The following SPTLC1 variants were observed in gnomAD, a reference collection of about 807,000 sequenced individuals.
The protein encoded by SPTLC1 is serine palmitoyltransferase long chain base subunit 1.
SPTLC1 carries 55 observed loss-of-function variants against 68.9 expected under a neutral mutation model. That is an observed-to-expected ratio of 0.80 (90% CI 0.64 to 1.00). SPTLC1 has a LOEUF of 1.00. Ranked by LOEUF, SPTLC1 falls within the 50% of genes least tolerant of loss-of-function variation. The pLI is 0.00. For synonymous variants in SPTLC1, 197 were observed against 201.6 expected, an observed-to-expected ratio of 0.98 and a Z score of 0.19; for missense variants, 449 against 573.1, an observed-to-expected ratio of 0.78 and a Z score of 2.21.
chr9:92,097,743 G>A (rs1351525138), intron 3 of SPTLC1, among the ~76,000 whole-genome samples: 1 of 152,134 alleles, frequency 6.6e-6, no homozygotes, highest in African/African-American at 2.4e-5. Flanking sequence ...TTAGATGGTG[G>A]TGATAGTTGT....
At chr9:92,095,063 T>G (rs1160383912) in intron 3 of SPTLC1, among the ~76,000 whole-genome samples, 1 of 152,146 alleles carries the variant, frequency 6.6e-6, no homozygotes, top group Non-Finnish European at 1.5e-5. Context: ...TGACTAAGGA[T>G]TAAAATCTAC....
chr9:92,091,290 G>C (rs112214748), intron 3 of SPTLC1, among the ~76,000 whole-genome samples: 2 of 152,096 alleles, frequency 1.3e-5, no homozygotes, highest in African/African-American at 4.8e-5. Flanking sequence ...CCCTGTAAGG[G>C]GTCAAGTGTA....
At chr9:92,085,976 G>A (rs1224367696) in intron 3 of SPTLC1, among the ~76,000 whole-genome samples, 1 of 151,894 alleles carries the variant, frequency 6.6e-6, no homozygotes, top group Non-Finnish European at 1.5e-5. Context: ...TTGTTGAATT[G>A]ATCCCTTTAC....
At chr9:92,048,911 A>G (rs1357647998) in intron 9 of SPTLC1, among the ~76,000 whole-genome samples, 1 of 152,238 alleles carries the variant, frequency 6.6e-6, no homozygotes, top group African/African-American at 2.4e-5. Context: ...ATTTCCTCAC[A>G]GTATTTCCCA....
intron 3 of SPTLC1, among the ~76,000 whole-genome samples, chr9:92,096,899 GA>G (rs141055978): frequency 0.018 from 2,676 of 148,912 alleles, 66 homozygotes; most frequent in African/African-American, 0.061. Context: ...CCCACAGAAT[GA>G]AAAAAAAAAT....
At chr9:92,049,039 TAC>T (rs1213497124) in intron 9 of SPTLC1, among the ~76,000 whole-genome samples, 2 of 152,194 alleles carry the variant, frequency 1.3e-5, no homozygotes, top group African/African-American at 4.8e-5. Flanking sequence ...CTGCTTGAAT[TAC>T]ACTTCCATTT....
chr9:92,108,381 T>C (rs1282197225), intron 3 of SPTLC1: 3 of 309,854 alleles, frequency 9.7e-6, no homozygotes, highest in African/African-American at 6.5e-5. Flanking sequence ...AAGCATACTA[T>C]ACAGTATCTA....
At chr9:92,046,109 T>C (rs948695801) in intron 11 of SPTLC1, 56 bp from the exon 12 acceptor site, 33 of 1,426,182 alleles carry the variant, frequency 2.3e-5, no homozygotes, top group Admixed American at 3.6e-5. Flanking sequence ...AGTACTAACC[T>C]AAAAATATTT....
At chr9:92,046,361 T>C (rs1833514003) in intron 11 of SPTLC1, 1 of 312,256 alleles carries the variant, frequency 3.2e-6, no homozygotes, top group African/African-American at 2.1e-5. Flanking sequence ...ACAAATTTAT[T>C]GCTTATTTCT....
At chr9:92,065,023 A>G (rs563162737) in intron 6 of SPTLC1, among the ~76,000 whole-genome samples, 64 of 152,370 alleles carry the variant, frequency 4.2e-4, no homozygotes, top group Middle Eastern at 3.4e-3. Context: ...GCATCTTGAC[A>G]ATGACAAAGT....
At chr9:92,079,799 A>T in intron 5 of SPTLC1, 1 of 652,644 alleles carries the variant, frequency 1.5e-6, no homozygotes, top group Non-Finnish European at 2.7e-6. Flanking sequence ...GCACACGAGG[A>T]TGAGCCCACC....
Position 92,057,768 on chromosome 9 carries a change from A to G in SPTLC1, c.690+1411T>C, listed in dbSNP as rs918584925. 9.7e-4 allele frequency among the ~76,000 whole-genome samples: 147 copies of G among 152,238 alleles called. 10 individuals carry two copies. The highest frequency in any genetic ancestry group is 2.9e-5 in the Non-Finnish European group (2 of 68,042). ...TATGTGAAAATGAAACTGAAAATGAATATTTCTAAAAACCAAAATGTAGAG... is the reference window on the plus strand; with the variant it reads ...TATGTGAAAATGAAACTGAAAATGAGTATTTCTAAAAACCAAAATGTAGAG... On this transcript the variant is annotated intron_variant, in intron 7 of 14. Coordinates refer to ENST00000262554, the MANE Select transcript of SPTLC1 (RefSeq NM_006415.4).
At chr9:92,088,424 A>G (rs944659544) in intron 3 of SPTLC1, among the ~76,000 whole-genome samples, 2 of 151,988 alleles carry the variant, frequency 1.3e-5, no homozygotes, top group African/African-American at 4.8e-5. Flanking sequence ...ATCCAGTGCC[A>G]CTCACCTCCT....
chr9:92,051,903 G>A (rs1312965314), intron 8 of SPTLC1, among the ~76,000 whole-genome samples: 1 of 152,114 alleles, frequency 6.6e-6, no homozygotes, highest in African/African-American at 2.4e-5. Context: ...TAACCAAAGA[G>A]GTGCAGGACG....
At chr9:92,079,759 C>T in intron 5 of SPTLC1, 2 of 662,160 alleles carry the variant, frequency 3.0e-6, no homozygotes, top group South Asian at 3.5e-5. Flanking sequence ...CTGCTCTGCA[C>T]TCGTTCCTCA....
At position 92,047,205 on chromosome 9, in the gene SPTLC1, T is replaced by C. The variant is rs1259881836; in HGVS notation, c.1048A>G (p.Ile350Val). ...SLPPLLAAAA[I>V]EALNIMEENP... ...TCTTCCATGATGTTGAGGGCCTCAA[T>C]TGCTGCAGCAGCTAACAGGGGAGGT... is the stretch of plus-strand genomic sequence containing the variant. Residue 350 changes from isoleucine to valine, a missense_variant, in exon 11 of 15, where the codon ATT becomes GTT. By Grantham distance (29) the Ile-to-Val change is conservative (BLOSUM62 3). Transcript: ENST00000262554. The C allele has an allele frequency of 2.5e-6, 4 of 1,614,124 alleles. No homozygotes were observed. Among genetic ancestry groups the C allele is most frequent in the Non-Finnish European group, 3.4e-6 (4 of 1,179,972 alleles).
chr9:92,098,091 C>T (rs1249707708), intron 3 of SPTLC1, among the ~76,000 whole-genome samples: 1 of 152,180 alleles, frequency 6.6e-6, no homozygotes, highest in African/African-American at 2.4e-5. Context: ...CCTGACTCAG[C>T]ATTCCCGGAT....
chr9:92,044,661 G>A (rs1833450364), intron 12 of SPTLC1, among the ~76,000 whole-genome samples: 1 of 152,186 alleles, frequency 6.6e-6, no homozygotes, highest in Non-Finnish European at 1.5e-5. Context: ...ACAGGCTGAT[G>A]ACAAAGTAGC....
At chr9:92,046,134 C>A in intron 11 of SPTLC1, 81 bp from the exon 12 acceptor site, 1 of 1,142,126 alleles carries the variant, frequency 8.8e-7, no homozygotes, top group South Asian at 1.3e-5. Flanking sequence ...AGACCCAGAT[C>A]AAGTTCATCA....
Sources: allele counts gnomAD v4.1 joint callset (sites outside exome capture counted in the v4.1 genomes callset), GRCh38; gene constraint gnomAD v4.1.1; transcripts MANE v1.5; gene names NCBI Gene and HGNC (gene_info 2026-07-23, HGNC 2026-07-21).